CPVL: variants seen among roughly 807,000 people sequenced by gnomAD.
CPVL encodes carboxypeptidase vitellogenic like.
A neutral mutation model predicts 63.7 loss-of-function variants in CPVL; 51 were observed. The ratio of observed to expected loss-of-function variants is 0.80; its 90% CI spans 0.64 to 1.01. CPVL has a LOEUF of 1.01. Among genes scored for constraint, CPVL ranks in the 50% least tolerant of loss-of-function variants. The pLI, the probability that CPVL is intolerant of heterozygous loss-of-function variation, is 0.00. For missense variants in CPVL, 530 were observed against 573.1 expected (o/e 0.92, Z 0.77); for synonymous variants, 195 against 206.0 (o/e 0.95, Z 0.46).
intron 12 of CPVL, among the ~76,000 whole-genome samples, chr7:29,021,984 G>A (rs1284275784): frequency 2.6e-5 from 4 of 152,230 alleles, no homozygotes; most frequent in African/African-American, 7.2e-5. Flanking sequence ...CAAGGAATGG[G>A]TAGTGAAACA....
At chr7:29,025,659 T>G (rs181930077) in intron 12 of CPVL, among the ~76,000 whole-genome samples, 47 of 152,256 alleles carry the variant, frequency 3.1e-4, no homozygotes, top group Admixed American at 1.4e-3. Context: ...ACAATTATAT[T>G]CCATGTAAAC....
intron 1 of CPVL, among the ~76,000 whole-genome samples, chr7:29,136,638 G>C (rs1791255977): frequency 6.6e-6 from 1 of 152,118 alleles, no homozygotes; most frequent in African/African-American, 2.4e-5. Flanking sequence ...TATGAGAGGA[G>C]GTCTCAGAGA....
intron 12 of CPVL, among the ~76,000 whole-genome samples, chr7:29,028,536 T>C (rs1350125544): frequency 6.6e-6 from 1 of 152,118 alleles, no homozygotes; most frequent in Non-Finnish European, 1.5e-5. Context: ...AAGGGAACAA[T>C]CAATAGAGTG....
Position 29,112,458 on chromosome 7 carries a change from C to G in CPVL, c.288+246G>C, listed in dbSNP as rs577083821. ...CAGGAAGAAGGTGGTAGTATTAACA[C>G]TCCAAATAAGGCTGCAAGAAATTTA... On this transcript the variant is annotated intron_variant, in intron 3 of 12. Coordinates refer to ENST00000265394, the MANE Select transcript of CPVL (RefSeq NM_031311.5). Among the ~76,000 whole-genome samples, 18 of 152,272 alleles carry G rather than the reference C, an allele frequency of 1.2e-4. No individual in the cohort carries two copies. The East Asian group carries it at 2.9e-3, about 25-fold the overall frequency.
At chr7:29,119,524 CAT>C (rs1405356091) in intron 2 of CPVL, among the ~76,000 whole-genome samples, 3 of 148,610 alleles carry the variant, frequency 2.0e-5, no homozygotes, top group Non-Finnish European at 4.4e-5. Flanking sequence ...AGATGCAGGT[CAT>C]AAATTTTAGC....
At chr7:29,129,692 C>T (rs1015564673) in intron 1 of CPVL, among the ~76,000 whole-genome samples, 2 of 152,094 alleles carry the variant, frequency 1.3e-5, no homozygotes, top group African/African-American at 4.8e-5. Context: ...TGGTCTCGAT[C>T]TCCTGACCTT....
chr7:29,119,485 C>CAA (rs372819031), intron 2 of CPVL, among the ~76,000 whole-genome samples: 145 of 101,294 alleles, frequency 1.4e-3, no homozygotes, highest in Non-Finnish European at 2.2e-3. Flanking sequence ...GATTCTGTCT[C>CAA]AAAAAAAAAA....
rs1183683592 is a variant in CPVL at position 29,185,387 on chromosome 7, T to C, written c.-262+126A>G. 4.6e-5 allele frequency: 7 copies of C among 152,282 alleles called. No individual in the cohort carries two copies. In the South Asian group the frequency reaches 8.3e-4, roughly 18 times the overall value. 9.4% of individuals were successfully genotyped at this position (152,282 alleles called of 1,614,324 possible). On this transcript the variant is annotated intron_variant, in intron 3 of 16. Coordinates refer to the CPVL transcript ENST00000409850. ...GAGAAAATGTCATGCTAATGTTAGATTTTATTCTATTTTCTCATATCATGA... is the reference window on the plus strand; with the variant it reads ...GAGAAAATGTCATGCTAATGTTAGACTTTATTCTATTTTCTCATATCATGA...
chr7:29,114,453 G>A lies in CPVL; in HGVS notation c.170-1631C>T, dbSNP rs563637425. On this transcript the variant is annotated intron_variant, in intron 2 of 12. Coordinates refer to ENST00000265394, the MANE Select transcript of CPVL (RefSeq NM_031311.5). ...TGAGTCAGAAGGTGCAGGTGGCAAG[G>A]AGTGGGAAGGGAAGTAGTGGCATGC... Among the ~76,000 whole-genome samples the A allele has an allele frequency of 2.6e-5, 4 of 152,208 alleles. No homozygotes were observed. The East Asian group carries it at 7.7e-4, about 29-fold the overall frequency.
In CPVL at chr7:29,173,340, A is replaced by G. The variant is rs764176310; in HGVS notation, c.-11+7950T>C. On this transcript the variant is annotated intron_variant, in intron 5 of 16. Coordinates refer to the CPVL transcript ENST00000409850. ...AGTGGGGGCCTAACTTTCTGCAGCCATATAATTTATCCTCCAGCCCACAGT... is the reference window on the plus strand; with the variant it reads ...AGTGGGGGCCTAACTTTCTGCAGCCGTATAATTTATCCTCCAGCCCACAGT... Among the ~76,000 whole-genome samples, 33 of 152,184 alleles carry G rather than the reference A, an allele frequency of 2.2e-4. 1 individual carries two copies. Among genetic ancestry groups the G allele is most frequent in the African/African-American group, 5.8e-4 (24 of 41,526 alleles).
At chr7:29,126,446 G>A (rs1297234371) in intron 1 of CPVL, 1 of 152,096 alleles carries the variant, frequency 6.6e-6, no homozygotes, top group Non-Finnish European at 1.5e-5. Flanking sequence ...CTGACCATCA[G>A]AAGAGACAAA....
intron 5 of CPVL, among the ~76,000 whole-genome samples, chr7:29,177,093 A>G (rs1797446640): frequency 6.6e-6 from 1 of 152,212 alleles, no homozygotes; most frequent in South Asian, 2.1e-4. Context: ...AAATATTTTT[A>G]GTTTAGTGAA....
At chr7:29,057,700 C>T (rs542034577) in intron 11 of CPVL, among the ~76,000 whole-genome samples, 1 of 152,204 alleles carries the variant, frequency 6.6e-6, no homozygotes, top group South Asian at 2.1e-4. Context: ...GTGTCTATTT[C>T]ATTATTTTGT....
chr7:29,071,185 GAA>G (rs975305832), intron 9 of CPVL, among the ~76,000 whole-genome samples: 27 of 152,144 alleles, frequency 1.8e-4, no homozygotes, highest in Non-Finnish European at 1.5e-5. Flanking sequence ...AACTGAGAAA[GAA>G]AAGAGTGAAG....
intron 7 of CPVL, chr7:29,082,193 G>C (rs1385864145): frequency 6.9e-6 from 1 of 145,126 alleles, no homozygotes; most frequent in African/African-American, 2.9e-5. Flanking sequence ...AAAATGGGTA[G>C]GTATTACGTT....
Position 29,065,901 on chromosome 7 carries a change from C to T in CPVL, c.963+122G>A, listed in dbSNP as rs584796. 1,540 of 573,816 alleles carry T rather than the reference C, an allele frequency of 2.7e-3. 8 individuals carry two copies. The highest frequency in any genetic ancestry group is 5.6e-3 in the African/African-American group (294 of 52,600). The allele number at this position is 573,816 out of a possible 1,614,324, so 35.5% of individuals were successfully genotyped here. On this transcript the variant is annotated intron_variant, in intron 10 of 12. Transcript: ENST00000265394. ...CTATGGGTTAGTAGACCACATCACG[C>T]GGTACAGTTTGGACATGTTGGTCTA...
At chr7:29,119,485 C>CAAAAAAA (rs372819031) in intron 2 of CPVL, among the ~76,000 whole-genome samples, 1 of 101,400 alleles carries the variant, frequency 9.9e-6, no homozygotes, top group African/African-American at 4.0e-5. Flanking sequence ...GATTCTGTCT[C>CAAAAAAA]AAAAAAAAAA....
intron 1 of CPVL, among the ~76,000 whole-genome samples, chr7:29,132,400 T>C (rs1205712691): frequency 6.6e-6 from 1 of 152,160 alleles, no homozygotes; most frequent in Non-Finnish European, 1.5e-5. Context: ...AGTCCAACAG[T>C]GTAACACTGC....
intron 1 of CPVL, 119 bp from the exon 2 acceptor site, chr7:29,121,190 C>CA (rs1387980517): frequency 1.1e-6 from 1 of 918,622 alleles, no homozygotes; most frequent in African/African-American, 1.7e-5. Context: ...AGGCCCTCTG[C>CA]AAGGACCTTG....
Sources: gnomAD v4.1 joint callset for allele counts (sites outside exome capture counted in the v4.1 genomes callset) on GRCh38, gnomAD v4.1.1 for gene constraint, MANE v1.5 for transcripts, NCBI Gene and HGNC (gene_info 2026-07-23, HGNC 2026-07-21) for gene names.